The following TRAPPC9 variants were observed in gnomAD, a reference collection of about 807,000 sequenced individuals.
TRAPPC9 encodes IKK2 binding protein.
In TRAPPC9, 83 loss-of-function variants were observed where a neutral mutation model predicts 124.0. The observed-to-expected ratio is 0.67, with a 90% CI of 0.56 to 0.80. The LOEUF (loss-of-function observed/expected upper bound fraction) is 0.80, where lower values mean the gene tolerates loss of function less well. TRAPPC9 is among the 30% of genes least tolerant of loss of function. The pLI, the probability that TRAPPC9 is intolerant of heterozygous loss-of-function variation, is 0.00. For missense variants in TRAPPC9, 1,302 were observed against 1,508.3 expected (o/e 0.86, Z 2.27); for synonymous variants, 638 against 617.5 (o/e 1.03, Z -0.49).
chr8:140,247,618 G>C (rs576031473), intron 16 of TRAPPC9, among the ~76,000 whole-genome samples: 1 of 151,596 alleles, frequency 6.6e-6, no homozygotes, highest in Non-Finnish European at 1.5e-5. Flanking sequence ...ACATGTTGTG[G>C]TTCCATTGTT....
intron 21 of TRAPPC9, among the ~76,000 whole-genome samples, chr8:139,755,891 G>A (rs1323506855): frequency 7.2e-6 from 1 of 138,124 alleles, no homozygotes; most frequent in Non-Finnish European, 1.5e-5. Context: ...AGGGTTTGGG[G>A]ATGAGGACAG....
chr8:140,451,927 C>G (rs998054901), intron 1 of TRAPPC9, among the ~76,000 whole-genome samples: 4 of 152,112 alleles, frequency 2.6e-5, no homozygotes, highest in African/African-American at 9.7e-5. Flanking sequence ...TCGAGACCAG[C>G]CTGGCCAACA....
At chr8:139,935,633 G>T (rs1833460004) in intron 19 of TRAPPC9, among the ~76,000 whole-genome samples, 1 of 147,130 alleles carries the variant, frequency 6.8e-6, no homozygotes, top group Admixed American at 6.8e-5. Flanking sequence ...TTTGTGAAAA[G>T]CATCTCTTAG....
At chr8:139,841,701 G>A (rs1431575401) in intron 21 of TRAPPC9, among the ~76,000 whole-genome samples, 1 of 152,214 alleles carries the variant, frequency 6.6e-6, no homozygotes, top group East Asian at 1.9e-4. Context: ...AACCCACAGT[G>A]CTCACAGTAG....
At chr8:140,038,663 A>G (rs1030918058) in intron 17 of TRAPPC9, among the ~76,000 whole-genome samples, 2 of 152,212 alleles carry the variant, frequency 1.3e-5, no homozygotes, top group Non-Finnish European at 2.9e-5. Flanking sequence ...AACAACACCC[A>G]GTGTCAGGCA....
rs1817679562 is a variant in TRAPPC9 at position 139,729,016 on chromosome 8, G to C, written c.*2045C>G. Reference sequence around the variant, plus strand: ...ATGCATCTATATCTAATCTGGATCTGTGGCTGGATCTATATCTGTAGCTAT... The same window carrying C: ...ATGCATCTATATCTAATCTGGATCTCTGGCTGGATCTATATCTGTAGCTAT... On this transcript the variant is annotated 3_prime_UTR_variant, in exon 23 of 23. Transcript: ENST00000438773. Among the ~76,000 whole-genome samples the C allele has an allele frequency of 6.6e-6, 1 of 152,194 alleles. No homozygotes were observed.
intron 21 of TRAPPC9, among the ~76,000 whole-genome samples, chr8:139,752,049 ATC>A (rs893852506): frequency 2.5e-4 from 37 of 150,586 alleles, no homozygotes; most frequent in Non-Finnish European, 3.5e-4. Flanking sequence ...TCACCCATCC[ATC>A]TCTCTACCAT....
chr8:140,251,538 T>C (rs1321677044), intron 16 of TRAPPC9, among the ~76,000 whole-genome samples: 1 of 152,244 alleles, frequency 6.6e-6, no homozygotes, highest in Non-Finnish European at 1.5e-5. Context: ...AAGAAGCTCA[T>C]GCTGACTATT....
chr8:140,054,331 C>T (rs534349168), intron 17 of TRAPPC9, among the ~76,000 whole-genome samples: 3 of 151,898 alleles, frequency 2.0e-5, no homozygotes, highest in Admixed American at 6.6e-5. Flanking sequence ...TTGTTTCAAA[C>T]GAAATCAAAA....
At chr8:140,435,804 A>G (rs1369338347) in intron 3 of TRAPPC9, among the ~76,000 whole-genome samples, 1 of 152,204 alleles carries the variant, frequency 6.6e-6, no homozygotes, top group Non-Finnish European at 1.5e-5. Flanking sequence ...TTCTTCTCTC[A>G]TGACGTAACA....
In TRAPPC9 at chr8:140,009,792, A is replaced by G. The variant is rs550732536; in HGVS notation, c.2699+14145T>C. Among the ~76,000 whole-genome samples, 34 of 152,348 alleles carry G rather than the reference A, an allele frequency of 2.2e-4. 1 individual carries two copies. In the South Asian group the frequency reaches 7.0e-3, roughly 32 times the overall value. On this transcript the variant is annotated intron_variant, in intron 18 of 22. Transcript: ENST00000438773. ...GTTTGCTGTCTACACAACCTGCTAC[A>G]TTTATGCTTCTCGCCTATCCTTCTC... is the stretch of plus-strand genomic sequence containing the variant.
At position 140,338,088 on chromosome 8, in the gene TRAPPC9, TA is replaced by T. The variant is rs1312069292; in HGVS notation, c.1495+21961del. On this transcript the variant is annotated intron_variant, in intron 9 of 22. Coordinates refer to ENST00000438773, the MANE Select transcript of TRAPPC9 (RefSeq NM_001160372.4). ...CAGATCCCTGCCACTTAGAAGTTGCTAAAAAAAATTATTAATTTGAATTAAA... is the reference window on the plus strand; with the variant it reads ...CAGATCCCTGCCACTTAGAAGTTGCTAAAAAAATTATTAATTTGAATTAAA... 6.6e-5 allele frequency among the ~76,000 whole-genome samples: 10 copies of T among 152,098 alleles called. No homozygotes were observed. The South Asian group carries it at 1.5e-3, about 22-fold the overall frequency.
In TRAPPC9 at chr8:140,043,698, TA is replaced by T. The variant is rs78360451; in HGVS notation, c.2557-19620del. Among the ~76,000 whole-genome samples the T allele has an allele frequency of 1.7e-3, 258 of 152,266 alleles. 7 individuals carry two copies. In the East Asian group the frequency reaches 0.045, roughly 27 times the overall value. ...ACACCAGTGTTTCTGATTTACAGGT[TA>T]GAGAGGGGCCCAAGAATGTGCATTT... is the stretch of plus-strand genomic sequence containing the variant. On this transcript the variant is annotated intron_variant, in intron 17 of 22. Coordinates refer to ENST00000438773, the MANE Select transcript of TRAPPC9 (RefSeq NM_001160372.4).
chr8:140,447,346 G>A (rs1490938395), intron 2 of TRAPPC9, among the ~76,000 whole-genome samples: 1 of 152,162 alleles, frequency 6.6e-6, no homozygotes, highest in African/African-American at 2.4e-5. Flanking sequence ...TTAGACAGCA[G>A]TGTTTGTTTT....
chr8:140,047,870 C>T (rs530048465), intron 17 of TRAPPC9, among the ~76,000 whole-genome samples: 64 of 152,288 alleles, frequency 4.2e-4, no homozygotes, highest in African/African-American at 1.5e-3. Context: ...CAGCAGAGGT[C>T]GGGGCAGAAG....
intron 6 of TRAPPC9, among the ~76,000 whole-genome samples, chr8:140,403,585 G>T (rs1335158726): frequency 1.3e-5 from 2 of 152,070 alleles, no homozygotes; most frequent in African/African-American, 2.4e-5. Context: ...GCTAGTGTTT[G>T]TTTATGGAGG....
Position 139,907,453 on chromosome 8 carries a change from A to G in TRAPPC9, c.2964+2694T>C, listed in dbSNP as rs1402954822. Among the ~76,000 whole-genome samples the G allele has an allele frequency of 6.6e-6, 1 of 151,886 alleles. No individual in the cohort carries two copies. Among genetic ancestry groups the G allele is most frequent in the Non-Finnish European group, 1.5e-5 (1 of 68,000 alleles). On this transcript the variant is annotated intron_variant, in intron 20 of 22. Coordinates refer to ENST00000438773, the MANE Select transcript of TRAPPC9 (RefSeq NM_001160372.4). This position sits in a 1 kb window ranked among gnomAD's most constrained non-coding sequence, Gnocchi z 4.7. Reference sequence around the variant, plus strand: ...CCATCTGCTTGAATTCAGGTTTACAATAGCAAAATTCTGCTATTCCTCTGA... The same window carrying G: ...CCATCTGCTTGAATTCAGGTTTACAGTAGCAAAATTCTGCTATTCCTCTGA...
intron 21 of TRAPPC9, among the ~76,000 whole-genome samples, chr8:139,807,259 C>T (rs779420310): frequency 1.5e-4 from 23 of 152,276 alleles, no homozygotes; most frequent in African/African-American, 2.4e-4. Context: ...AAGGCCACAG[C>T]GGTGCAGGTC....
chr8:139,898,639 T>C (rs1464055953), intron 20 of TRAPPC9, among the ~76,000 whole-genome samples: 1 of 152,090 alleles, frequency 6.6e-6, no homozygotes, highest in Non-Finnish European at 1.5e-5. Flanking sequence ...CACACTCAAC[T>C]CAGAGCCACA....
Sources: gnomAD v4.1 joint callset for allele counts (sites outside exome capture counted in the v4.1 genomes callset) on GRCh38, gnomAD v4.1.1 for gene constraint, Gnocchi (gnomAD v3.1) non-coding constraint, MANE v1.5 for transcripts, NCBI Gene and HGNC (gene_info 2026-07-23, HGNC 2026-07-21) for gene names.